PCDHA5: variants seen among roughly 807,000 people sequenced by gnomAD.
PCDHA5 encodes protocadherin alpha-5.
In PCDHA5, 43 loss-of-function variants were observed where a neutral mutation model predicts 61.6. The observed-to-expected ratio is 0.70, with a 90% CI of 0.55 to 0.90. The LOEUF is 0.90. PCDHA5 is among the 40% of genes least tolerant of loss of function. PCDHA5 has a pLI of 0.00. For synonymous variants in PCDHA5, 627 were observed against 543.9 expected, an observed-to-expected ratio of 1.15 and a Z score of -2.13; for missense variants, 1,298 against 1,222.7, an observed-to-expected ratio of 1.06 and a Z score of -0.92.
chr5:140,829,392 CG>C (rs1770273562), intron 1 of PCDHA5: 1 of 1,614,042 alleles, frequency 6.2e-7, no homozygotes, highest in Non-Finnish European at 8.5e-7. Context: ...GGCTCGCCTT[CG>C]CTGTGGGCCA....
intron 1 of PCDHA5, chr5:140,928,948 A>G: frequency 1.2e-6 from 2 of 1,614,032 alleles, no homozygotes; most frequent in Non-Finnish European, 1.7e-6. Flanking sequence ...GTATTTAGTA[A>G]TTGCCTTGGC....
Position 141,009,850 on chromosome 5 carries a change from C to CAAGAAAAAG in PCDHA5, c.2739_2747dup (p.Lys914_Lys916dup). ...TAACCTTCGGCAAAAAGGAGGAGAC[C>CAAGAAAAAG]AAGAAAAAGAAGAAAAAGAAGAAGG... On this transcript the variant is annotated inframe_insertion, in exon 4 of 4. Coordinates refer to ENST00000529859, the MANE Select transcript of PCDHA5 (RefSeq NM_018908.3). The CAAGAAAAAG allele has an allele frequency of 1.2e-6, 2 of 1,613,572 alleles. No individual in the cohort carries two copies. Among genetic ancestry groups the CAAGAAAAAG allele is most frequent in the Non-Finnish European group, 1.7e-6 (2 of 1,179,906 alleles).
intron 1 of PCDHA5, among the ~76,000 whole-genome samples, chr5:140,924,232 G>T (rs1554201826): frequency 6.6e-6 from 1 of 152,180 alleles, no homozygotes; most frequent in African/African-American, 2.4e-5. Flanking sequence ...ATTTTTATGG[G>T]CTGTTTTGCA....
At chr5:140,880,415 G>T (rs1481227492) in intron 1 of PCDHA5, among the ~76,000 whole-genome samples, 1 of 152,202 alleles carries the variant, frequency 6.6e-6, no homozygotes, top group Non-Finnish European at 1.5e-5. Context: ...GACCTTAAAA[G>T]CGGGAACAGT....
At chr5:140,999,666 G>A (rs185222092) in intron 3 of PCDHA5, among the ~76,000 whole-genome samples, 194 of 152,216 alleles carry the variant, frequency 1.3e-3, no homozygotes, top group African/African-American at 4.4e-3. Flanking sequence ...GCTGGGTTGC[G>A]GGGGGCTCAC....
intron 1 of PCDHA5, among the ~76,000 whole-genome samples, chr5:140,906,089 A>G (rs13182228): frequency 0.33 from 49,632 of 151,980 alleles, 8,394 homozygotes; most frequent in East Asian, 0.53. Flanking sequence ...CCAGACTGAG[A>G]GTAAGTGTGT....
intron 1 of PCDHA5, chr5:140,870,871 G>T (rs1257856778): frequency 1.2e-6 from 2 of 1,613,826 alleles, no homozygotes; most frequent in African/African-American, 2.7e-5. Context: ...GGGCCACGTG[G>T]TGGCGAAGGT....
chr5:140,925,641 TATA>T (rs10569930), intron 1 of PCDHA5, among the ~76,000 whole-genome samples: 13,718 of 143,270 alleles, frequency 0.096, 957 homozygotes, highest in East Asian at 0.35. Context: ...GAACTTAAAG[TATA>T]ATAATAATAA....
chr5:140,829,191 C>T (rs2150163632), intron 1 of PCDHA5: 2 of 1,614,228 alleles, frequency 1.2e-6, no homozygotes, highest in South Asian at 1.1e-5. Context: ...CAATTTGGTA[C>T]TGTCATCGCC....
chr5:140,857,254 TTAC>T, intron 1 of PCDHA5: 1 of 1,598,512 alleles, frequency 6.3e-7, no homozygotes, highest in Non-Finnish European at 8.6e-7. Flanking sequence ...CCTACAAGAA[TTAC>T]TACTCATTGG....
At chr5:140,870,402 T>G (rs782585618) in intron 1 of PCDHA5, 8 of 1,614,212 alleles carry the variant, frequency 5.0e-6, no homozygotes, top group Non-Finnish European at 5.1e-6. Flanking sequence ...GTTCGCCTTC[T>G]CTGTGGGCCA....
intron 1 of PCDHA5, chr5:140,836,345 C>CG (rs1388004217): frequency 8.1e-6 from 13 of 1,613,572 alleles, no homozygotes; most frequent in Non-Finnish European, 9.3e-6. Flanking sequence ...TGAAGGACCA[C>CG]GGGGAGCCCT....
At chr5:140,881,195 A>G (rs943462031) in intron 1 of PCDHA5, 1 of 173,206 alleles carries the variant, frequency 5.8e-6, no homozygotes, top group Non-Finnish European at 1.1e-5. Context: ...ATATGTTAAC[A>G]TCTTTGTCTA....
In PCDHA5 at chr5:140,824,269, A is replaced by C. The variant is rs2150133814; in HGVS notation, c.2352+142A>C. On this transcript the variant is annotated intron_variant, in intron 1 of 3. Coordinates refer to ENST00000529859, the MANE Select transcript of PCDHA5 (RefSeq NM_018908.3). ...ACACAATTATTGCACTAATTCATGTATTATATGCTTTTTATGAGGCTTTTC... is the reference window on the plus strand; with the variant it reads ...ACACAATTATTGCACTAATTCATGTCTTATATGCTTTTTATGAGGCTTTTC... 2.5e-6 allele frequency: 3 copies of C among 1,222,710 alleles called. No individual in the cohort carries two copies. The South Asian group carries it at 4.2e-5, about 17-fold the overall frequency. The allele number at this position is 1,222,710 out of a possible 1,614,324, so 75.7% of individuals were successfully genotyped here.
chr5:140,969,128 A>T (rs140518271), intron 1 of PCDHA5: 11 of 1,614,040 alleles, frequency 6.8e-6, no homozygotes, highest in Non-Finnish European at 9.3e-6. Context: ...TGGCTCCCTC[A>T]CCAAGACCTA....
intron 1 of PCDHA5, among the ~76,000 whole-genome samples, chr5:140,899,477 A>G (rs1309385245): frequency 3.3e-5 from 5 of 152,210 alleles, no homozygotes; most frequent in Non-Finnish European, 5.9e-5. Context: ...GGTTCTGTTT[A>G]TATGCTGGAT....
At chr5:140,987,149 G>C (rs1380803903) in intron 3 of PCDHA5, among the ~76,000 whole-genome samples, 2 of 151,884 alleles carry the variant, frequency 1.3e-5, no homozygotes, top group African/African-American at 4.8e-5. Flanking sequence ...GGGAGGTGGA[G>C]GTTGCAGTGA....
chr5:140,878,006 C>T (rs251378), intron 1 of PCDHA5: 602,670 of 913,772 alleles, frequency 0.66, 200,442 homozygotes, highest in African/African-American at 0.71. Flanking sequence ...ATTTGTCTAA[C>T]ATTAATGAAG....
intron 1 of PCDHA5, among the ~76,000 whole-genome samples, chr5:140,914,947 T>TC (rs1232423561): frequency 7.0e-6 from 1 of 142,282 alleles, no homozygotes; most frequent in Non-Finnish European, 1.5e-5. Context: ...AAGTTGTCTT[T>TC]TTTTTTTTTT....
Sources: gnomAD v4.1 joint callset for allele counts (sites outside exome capture counted in the v4.1 genomes callset) on GRCh38, gnomAD v4.1.1 for gene constraint, MANE v1.5 for transcripts, NCBI Gene and HGNC (gene_info 2026-07-23, HGNC 2026-07-21) for gene names.